Variants in CFAP206 observed in about 807,000 individuals in gnomAD.
The protein encoded by CFAP206 is cilia- and flagella-associated protein 206.
Under a neutral mutation model 65.4 loss-of-function variants are expected in CFAP206, and 53 were observed. That is an observed-to-expected ratio of 0.81 (90% CI 0.65 to 1.02). The LOEUF (loss-of-function observed/expected upper bound fraction) is 1.02. Among genes scored for constraint, CFAP206 ranks in the 50% least tolerant of loss-of-function variants. The pLI, the probability that CFAP206 is intolerant of heterozygous loss-of-function variation, is 0.00. For synonymous variants in CFAP206, 250 were observed against 254.4 expected (o/e 0.98, Z 0.17); for missense variants, 663 against 753.2 (o/e 0.88, Z 1.40).
intron 11 of CFAP206, among the ~76,000 whole-genome samples, chr6:87,452,752 G>A (rs1768566937): frequency 1.3e-5 from 2 of 151,978 alleles, no homozygotes; most frequent in South Asian, 4.1e-4. Context: ...TGGTGAGCTT[G>A]AAGACAGGCT....
intron 7 of CFAP206, 135 bp from the exon 8 acceptor site, chr6:87,426,391 T>G (rs1305621287): frequency 1.9e-6 from 1 of 521,240 alleles, no homozygotes; most frequent in Non-Finnish European, 3.3e-6. Context: ...GTGTTGAGGA[T>G]CTTGCGGAGA....
At chr6:87,453,797 A>G (rs573082000) in intron 11 of CFAP206, among the ~76,000 whole-genome samples, 3 of 152,310 alleles carry the variant, frequency 2.0e-5, no homozygotes, top group Non-Finnish European at 4.4e-5. Context: ...TCACTTTCAC[A>G]AAAAGGAAGA....
intron 11 of CFAP206, among the ~76,000 whole-genome samples, chr6:87,443,589 T>C (rs1315494680): frequency 6.6e-6 from 1 of 152,184 alleles, no homozygotes; most frequent in Non-Finnish European, 1.5e-5. Flanking sequence ...TTTACTATAC[T>C]ATGAGAGTTG....
chr6:87,438,265 A>G (rs1456648928), intron 11 of CFAP206, among the ~76,000 whole-genome samples: 2 of 152,056 alleles, frequency 1.3e-5, no homozygotes, highest in African/African-American at 2.4e-5. Flanking sequence ...GTTCGAGACC[A>G]TCCTGGCCAA....
At chr6:87,417,031 T>C (rs1767845093) in intron 6 of CFAP206, among the ~76,000 whole-genome samples, 1 of 152,324 alleles carries the variant, frequency 6.6e-6, no homozygotes, top group Middle Eastern at 3.4e-3. Flanking sequence ...TTATGTACCA[T>C]GAAGCTAGTA....
chr6:87,409,782 A>G (rs543634123), intron 1 of CFAP206, 53 bp from the exon 2 acceptor site: 3 of 1,165,756 alleles, frequency 2.6e-6, no homozygotes, highest in African/African-American at 3.2e-5. Flanking sequence ...GAGGAAAAAA[A>G]TAAATTTGCA....
intron 6 of CFAP206, among the ~76,000 whole-genome samples, chr6:87,417,196 G>T (rs934282858): frequency 1.3e-5 from 2 of 152,112 alleles, no homozygotes; most frequent in African/African-American, 4.8e-5. Context: ...ACAGTTCCTG[G>T]TGCAGTTAAT....
At chr6:87,427,246 TC>T (rs1178902464) in intron 8 of CFAP206, among the ~76,000 whole-genome samples, 1 of 152,212 alleles carries the variant, frequency 6.6e-6, no homozygotes, top group African/African-American at 2.4e-5. Flanking sequence ...CACGCCATTC[TC>T]CTAGCTCAGC....
At chr6:87,427,390 C>T (rs531774246) in intron 8 of CFAP206, among the ~76,000 whole-genome samples, 18 of 152,276 alleles carry the variant, frequency 1.2e-4, no homozygotes, top group African/African-American at 1.9e-4. Flanking sequence ...CTGCCCGCCT[C>T]GGCCTCCCAA....
intron 11 of CFAP206, among the ~76,000 whole-genome samples, chr6:87,457,169 AAAG>A (rs1035198620): frequency 1.3e-5 from 2 of 150,698 alleles, no homozygotes; most frequent in African/African-American, 2.4e-5. Context: ...AAAAAAAAGA[AAAG>A]AAATTGAAGA....
chr6:87,448,608 CCTAT>C (rs1768487479), intron 11 of CFAP206, among the ~76,000 whole-genome samples: 1 of 152,050 alleles, frequency 6.6e-6, no homozygotes, highest in Admixed American at 6.6e-5. Context: ...ACTTATTCCT[CCTAT>C]CTAACTGTAA....
At chr6:87,430,957 T>A (rs1166427178) in intron 9 of CFAP206, 76 bp from the exon 10 acceptor site, 4 of 1,353,344 alleles carry the variant, frequency 3.0e-6, no homozygotes, top group Non-Finnish European at 4.1e-6. Context: ...ATGTTTAGAA[T>A]GAGCTACTGC....
At chr6:87,411,267 T>C (rs964196811) in intron 3 of CFAP206, among the ~76,000 whole-genome samples, 3 of 152,276 alleles carry the variant, frequency 2.0e-5, no homozygotes, top group Non-Finnish European at 4.4e-5. Context: ...TAAATTAATT[T>C]GCATTTCTCT....
chr6:87,426,792 G>A (rs12529618), intron 8 of CFAP206, 147 bp downstream of exon 8: 18,718 of 649,108 alleles, frequency 0.029, 341 homozygotes, highest in African/African-American at 0.058. Flanking sequence ...TTACTTTGCC[G>A]TAATAGTGTG....
intron 11 of CFAP206, among the ~76,000 whole-genome samples, chr6:87,437,375 C>T (rs1308272618): frequency 1.5e-5 from 2 of 136,346 alleles, no homozygotes; most frequent in Non-Finnish European, 3.2e-5. Flanking sequence ...TAACTTTTGC[C>T]GTTTTTTTTT....
In CFAP206 at chr6:87,413,824, G is replaced by A; in HGVS notation, c.207G>A (p.Arg69=). 6.4e-7 allele frequency: 1 copy of A among 1,564,746 alleles called. No individual in the cohort carries two copies. Among genetic ancestry groups the A allele is most frequent in the Non-Finnish European group, 8.6e-7 (1 of 1,158,596 alleles). ...VQNLVKLCMT[R]LLDTKNPSLD... Reference sequence around the variant, plus strand: ...TTCTTTTCTAGCTTTGTATGACTCGGCTATTGGATACTAAAAATCCATCCC... The same window carrying A: ...TTCTTTTCTAGCTTTGTATGACTCGACTATTGGATACTAAAAATCCATCCC... Residue 69 remains arginine, a synonymous_variant, in exon 4 of 13, where the codon CGG becomes CGA. Coordinates refer to ENST00000369562, the MANE Select transcript of CFAP206 (RefSeq NM_001031743.3).
At position 87,423,254 on chromosome 6, in the gene CFAP206, C is replaced by CT. The variant is rs1341544427; in HGVS notation, c.841-3260dup. On this transcript the variant is annotated intron_variant, in intron 7 of 12. Coordinates refer to ENST00000369562, the MANE Select transcript of CFAP206 (RefSeq NM_001031743.3). ...TTTTTATTTTTATTTTTTTATTTTT[C>CT]TTTTTTTTTTTTGAGACGGAGTCTC... Among the ~76,000 whole-genome samples the CT allele has an allele frequency of 4.7e-3, 629 of 132,472 alleles. 1 individual carries two copies. Among genetic ancestry groups the CT allele is most frequent in the Non-Finnish European group, 6.8e-3 (419 of 61,672 alleles). 86.9% of individuals were successfully genotyped at this position (132,472 alleles called of 152,430 possible). A position where few individuals can be genotyped will look rare whatever the true frequency, so the allele number is the denominator to read the frequency against.
intron 7 of CFAP206, among the ~76,000 whole-genome samples, chr6:87,425,016 C>T (rs989553153): frequency 6.6e-6 from 1 of 152,154 alleles, no homozygotes; most frequent in Non-Finnish European, 1.5e-5. Flanking sequence ...ATCCCAAATG[C>T]TTATCCTGTC....
chr6:87,451,779 C>A (rs187443152), intron 11 of CFAP206, among the ~76,000 whole-genome samples: 12 of 151,964 alleles, frequency 7.9e-5, no homozygotes, highest in Non-Finnish European at 1.6e-4. Flanking sequence ...CTGTCCTGGG[C>A]CAGTAAGAAA....
Sources: allele counts gnomAD v4.1 joint callset (sites outside exome capture counted in the v4.1 genomes callset), GRCh38; gene constraint gnomAD v4.1.1; transcripts MANE v1.5; gene names NCBI Gene and HGNC (gene_info 2026-07-23, HGNC 2026-07-21).